The following ZNF221 variants were observed in gnomAD, a reference collection of about 807,000 sequenced individuals.
ZNF221 encodes zinc finger protein 221.
In ZNF221, 10 loss-of-function variants were observed where a neutral mutation model predicts 12.6. The ratio of observed to expected loss-of-function variants is 0.79; its 90% CI spans 0.49 to 1.34. The LOEUF (loss-of-function observed/expected upper bound fraction) is 1.34, where lower values mean the gene tolerates loss of function less well. ZNF221 is among the 40% of genes most tolerant of loss of function. The probability of loss-of-function intolerance (pLI) is 0.00; values close to 1 mark genes in which losing one functional copy is unlikely to be tolerated. For missense variants in ZNF221, 661 were observed against 721.4 expected, an observed-to-expected ratio of 0.92 and a Z score of 0.96; for synonymous variants, 232 against 244.0, an observed-to-expected ratio of 0.95 and a Z score of 0.46.
chr19:43,978,203 C>A, the ZNF221 span, among the ~76,000 whole-genome samples: 5 of 152,280 alleles, frequency 3.3e-5, 1 homozygote, highest in African/African-American at 1.2e-4. Context: ...TCCAAATAAG[C>A]TGCATTGTAG....
In ZNF221 at chr19:43,966,960, C is replaced by T. The variant is rs1248582590; in HGVS notation, c.1458C>T (p.Ser486=). Residue 486 remains serine (S), a synonymous_variant, in exon 5 of 5, where the codon AGC becomes AGT. Coordinates refer to ENST00000587682, the MANE Select transcript of ZNF221 (RefSeq NM_001297588.2). ...RPYNCKECGK[S]FGWASCLLKH... is the part of the protein sequence containing the mutation. ...ATAATTGTAAGGAATGTGGCAAGAGCTTTGGCTGGGCCTCCTGTCTTTTGA... is the reference window on the plus strand; with the variant it reads ...ATAATTGTAAGGAATGTGGCAAGAGTTTTGGCTGGGCCTCCTGTCTTTTGA... The T allele has an allele frequency of 6.2e-7, 1 of 1,614,148 alleles. No homozygotes were observed. Among genetic ancestry groups the T allele is most frequent in the Non-Finnish European group, 8.5e-7 (1 of 1,180,016 alleles).
chr19:43,979,244 T>A, the ZNF221 span, among the ~76,000 whole-genome samples: 1 of 152,100 alleles, frequency 6.6e-6, no homozygotes, highest in South Asian at 2.1e-4. Context: ...GACACTAATG[T>A]TAAAGGCTGT....
chr19:43,979,422 CAT>C, the ZNF221 span, among the ~76,000 whole-genome samples: 70,714 of 138,374 alleles, frequency 0.51, 16,964 homozygotes, highest in South Asian at 0.56. Context: ...AACAGTAATA[CAT>C]ATATATATAT....
In ZNF221 at chr19:43,962,802, T is replaced by C; in HGVS notation, c.76T>C (p.Phe26Leu). 6.2e-7 allele frequency: 1 copy of C among 1,613,486 alleles called. No individual in the cohort carries two copies. Among genetic ancestry groups the C allele is most frequent in the Non-Finnish European group, 8.5e-7 (1 of 1,179,558 alleles). The change falls in exon 2 of 5, where the codon TTC becomes CTC. Residue 26 changes from phenylalanine (F) to leucine (L), a missense_variant. Coordinates refer to ENST00000587682, the MANE Select transcript of ZNF221 (RefSeq NM_001297588.2). ...FPEVEGKMTT[F>L]KEAVTFKDVA... ...TGAAGTAGAAGGAAAAATGACCACA[T>C]TCAAAGTGAGTAGGGCTTGCCTCTC...
the ZNF221 span, among the ~76,000 whole-genome samples, chr19:43,972,941 T>C: frequency 1.4e-4 from 21 of 151,836 alleles, no homozygotes; most frequent in South Asian, 3.3e-3. Flanking sequence ...CTGGCAGAGA[T>C]AAAACGAAAA....
At chr19:43,959,624 C>G (rs1331596299) in intron 1 of ZNF221, among the ~76,000 whole-genome samples, 1 of 152,184 alleles carries the variant, frequency 6.6e-6, no homozygotes, top group Non-Finnish European at 1.5e-5. Context: ...ATTTCTCTCT[C>G]TTGTTCCTGC....
chr19:43,957,040 A>G (rs1404528592), intron 1 of ZNF221, among the ~76,000 whole-genome samples: 5 of 152,196 alleles, frequency 3.3e-5, no homozygotes, highest in Non-Finnish European at 7.3e-5. Flanking sequence ...CTTTTGCCTT[A>G]TTTGATCCTT....
At chr19:43,963,555 A>G (rs950454240) in intron 2 of ZNF221, among the ~76,000 whole-genome samples, 8 of 152,166 alleles carry the variant, frequency 5.3e-5, no homozygotes, top group Non-Finnish European at 7.3e-5. Context: ...TTATTCCTTT[A>G]TGGAGTAAGC....
At position 43,966,478 on chromosome 19, in the gene ZNF221, A is replaced by C. The variant is rs779270699; in HGVS notation, c.976A>C (p.Asn326His). 6.2e-7 allele frequency: 1 copy of C among 1,614,214 alleles called. No homozygotes were observed. Among genetic ancestry groups the C allele is most frequent in the Non-Finnish European group, 8.5e-7 (1 of 1,180,038 alleles). ...GKSFRVRSRL[N>H]RHSMVHTGEK... ...GAGCTTCCGTGTTAGATCAAGACTT[A>C]ATAGGCATTCCATGGTTCACACAGG... Residue 326 changes from asparagine (N) to histidine (H), a missense_variant, in exon 5 of 5, where the codon AAT becomes CAT. Asn to His is a moderately conservative substitution (Grantham distance 68). Transcript: ENST00000587682.
rs439676 is a variant in ZNF221, at chr19:43,966,268, T to C, written c.766T>C (p.Cys256Arg). The change falls in exon 5 of 5, where the codon TGT becomes CGT. Residue 256 changes from cysteine (C) to arginine (R), a missense_variant. Transcript: ENST00000587682. ...RVHTGEKPFK[C>R]GQCGKGFHSR... ...CCATACTGGAGAGAAACCATTCAAATGTGGGCAATGTGGGAAAGGCTTCCA... is the reference window on the plus strand; with the variant it reads ...CCATACTGGAGAGAAACCATTCAAACGTGGGCAATGTGGGAAAGGCTTCCA... 0.95 allele frequency: 1,537,542 copies of C among 1,614,094 alleles called. 737,381 individuals carry two copies. Among genetic ancestry groups the C allele is most frequent in the East Asian group, 0.99 (44,254 of 44,868 alleles).
At position 43,966,101 on chromosome 19, in the gene ZNF221, G is replaced by A. The variant is rs766455617; in HGVS notation, c.599G>A (p.Cys200Tyr). 4.3e-6 allele frequency: 7 copies of A among 1,614,196 alleles called. No individual in the cohort carries two copies. The South Asian group carries it at 6.6e-5, about 15-fold the overall frequency. The change falls in exon 5 of 5, where the codon TGT becomes TAT. Residue 200 changes from cysteine (C) to tyrosine (Y), a missense_variant. Coordinates refer to ENST00000587682, the MANE Select transcript of ZNF221 (RefSeq NM_001297588.2). ...CACTCAGGAGAGAAATCTCATACAT[G>A]TGGTGAGTGTGGAAAAAGCTTCTGT... Reference protein sequence around the residue: ...QSHSGEKSHTCGECGKSFCYS... With the variant: ...QSHSGEKSHTYGECGKSFCYS...
chr19:43,974,057 T>C, the ZNF221 span, among the ~76,000 whole-genome samples: 2 of 151,878 alleles, frequency 1.3e-5, no homozygotes, highest in Non-Finnish European at 2.9e-5. Context: ...AACAGACACA[T>C]AGACAAATGG....
intron 1 of ZNF221, among the ~76,000 whole-genome samples, chr19:43,953,513 C>T (rs1974708217): frequency 6.6e-6 from 1 of 152,110 alleles, no homozygotes; most frequent in African/African-American, 2.4e-5. Context: ...TCAGCTTAAC[C>T]TTTAGCCCTT....
chr19:43,966,922 G>A lies in ZNF221; in HGVS notation c.1420G>A (p.Gly474Ser), dbSNP rs373507423. The A allele has an allele frequency of 2.8e-5, 45 of 1,614,222 alleles. No individual in the cohort carries two copies. Among genetic ancestry groups the A allele is most frequent in the Non-Finnish European group, 3.6e-5 (43 of 1,180,052 alleles). Residue 474 changes from glycine (G) to serine (S), a missense_variant, in exon 5 of 5, where the codon GGT becomes AGT. Gly to Ser is a moderately conservative substitution (Grantham distance 56). Coordinates refer to ENST00000587682, the MANE Select transcript of ZNF221 (RefSeq NM_001297588.2). The stretch of plus-strand genomic sequence containing the variant: ...TGAGTTTCACCAGAGGGTCCACACG[G>A]GTGAGAGACCCTATAATTGTAAGGA... The part of the protein sequence containing the change: ...DLEFHQRVHT[G>S]ERPYNCKECG...
At position 43,966,278 on chromosome 19, in the gene ZNF221, G is replaced by A. The variant is rs1974952017; in HGVS notation, c.776G>A (p.Cys259Tyr). Residue 259 changes from cysteine to tyrosine, a missense_variant, in exon 5 of 5, where the codon TGT becomes TAT. Physicochemically the swap from Cys to Tyr is radical, Grantham distance 194. Transcript: ENST00000587682. ...GAGAAACCATTCAAATGTGGGCAAT[G>A]TGGGAAAGGCTTCCATAGTAGATCA... ...TGEKPFKCGQ[C>Y]GKGFHSRSAL... 1 of 1,613,346 alleles carries A rather than the reference G, an allele frequency of 6.2e-7. No individual in the cohort carries two copies. The highest frequency in any genetic ancestry group is 8.5e-7 in the Non-Finnish European group (1 of 1,179,282).
Position 43,965,305 on chromosome 19 carries a change from G to C in ZNF221, c.281G>C (p.Ser94Thr). 1 of 1,613,330 alleles carries C rather than the reference G, an allele frequency of 6.2e-7. No individual in the cohort carries two copies. The highest frequency in any genetic ancestry group is 8.5e-7 in the Non-Finnish European group (1 of 1,179,652). The change falls in exon 4 of 5, where the codon AGC (serine) becomes ACC (threonine). Residue 94 changes from serine to threonine, a missense_variant. Physicochemically the swap from Ser to Thr is moderately conservative, Grantham distance 58 (BLOSUM62 1). Transcript: ENST00000587682. The part of the protein sequence containing the change: ...KEKFWKMKTT[S>T]QREGNSGGKI... Reference sequence around the variant, plus strand: ...AAGTTTTGGAAGATGAAGACAACAAGCCAAAGAGAAGGGAATTCAGGTAAG... The same window carrying C: ...AAGTTTTGGAAGATGAAGACAACAACCCAAAGAGAAGGGAATTCAGGTAAG...
downstream of ZNF221, among the ~76,000 whole-genome samples, chr19:43,971,698 CAAG>C (rs566191069): frequency 4.9e-3 from 737 of 151,066 alleles, 1 homozygote; most frequent in Non-Finnish European, 8.7e-3. Flanking sequence ...AAGGGTTCAA[CAAG>C]AAGAGCTAAC....
At chr19:43,962,702 C>A in intron 1 of ZNF221, 23 bp from the exon 2 acceptor site, 5 of 1,611,336 alleles carry the variant, frequency 3.1e-6, no homozygotes, top group Non-Finnish European at 4.2e-6. Context: ...GTCTGTTTTT[C>A]TGCCTTTCCT....
chr19:43,964,829 A>T, intron 2 of ZNF221, 121 bp from the exon 3 acceptor site: 1 of 1,300,702 alleles, frequency 7.7e-7, no homozygotes, highest in Non-Finnish European at 1.1e-6. Context: ...CTGTATGTTG[A>T]CCTACATCCC....
Sources: allele counts gnomAD v4.1 joint callset (sites outside exome capture counted in the v4.1 genomes callset), GRCh38; gene constraint gnomAD v4.1.1; transcripts MANE v1.5; gene names NCBI Gene and HGNC (gene_info 2026-07-23, HGNC 2026-07-21).